Variants in CLEC16A observed in about 807,000 individuals in gnomAD.
The protein encoded by CLEC16A is protein CLEC16A.
CLEC16A carries 51 observed loss-of-function variants against 109.5 expected under a neutral mutation model. The ratio of observed to expected loss-of-function variants is 0.47; its 90% confidence interval spans 0.37 to 0.59. The LOEUF (loss-of-function observed/expected upper bound fraction) is 0.59. Among genes scored for constraint, CLEC16A ranks in the 20% least tolerant of loss-of-function variants. CLEC16A has a pLI of 0.00. For missense variants in CLEC16A, 1,339 were observed against 1,394.0 expected (o/e 0.96, Z 0.63); for synonymous variants, 673 against 564.2 (o/e 1.19, Z -2.73).
chr16:11,044,488 T>C (rs1456607699), intron 16 of CLEC16A, among the ~76,000 whole-genome samples: 1 of 152,264 alleles, frequency 6.6e-6, no homozygotes, highest in Non-Finnish European at 1.5e-5. Context: ...TATACATGTA[T>C]ATTATTTATA....
intron 1 of CLEC16A, among the ~76,000 whole-genome samples, chr16:10,946,422 G>A (rs933380138): frequency 6.6e-6 from 1 of 152,178 alleles, no homozygotes; most frequent in East Asian, 1.9e-4. Context: ...GGTTCACTAT[G>A]TGGTGAGGGG....
intron 22 of CLEC16A, among the ~76,000 whole-genome samples, chr16:11,138,380 G>A (rs1220957762): frequency 6.6e-6 from 1 of 152,230 alleles, no homozygotes; most frequent in African/African-American, 2.4e-5. Context: ...AAAGCGCTTT[G>A]TGAGCTTGCC....
intron 22 of CLEC16A, among the ~76,000 whole-genome samples, chr16:11,136,461 T>TTTG (rs151238568): frequency 0.013 from 1,954 of 151,984 alleles, 14 homozygotes; most frequent in African/African-American, 0.02. Flanking sequence ...CTCTTGCCAT[T>TTTG]TTGTTGTTGT....
intron 1 of CLEC16A, among the ~76,000 whole-genome samples, chr16:10,957,272 G>A (rs1298368745): frequency 6.6e-6 from 1 of 152,252 alleles, no homozygotes; most frequent in Admixed American, 6.5e-5. Flanking sequence ...AGCAACTGCT[G>A]TGGGACCCAG....
At chr16:11,130,348 C>G (rs1011754207) in intron 22 of CLEC16A, among the ~76,000 whole-genome samples, 1 of 152,208 alleles carries the variant, frequency 6.6e-6, no homozygotes, top group Non-Finnish European at 1.5e-5. Context: ...GCCCTAGATA[C>G]TTGGTGGTTT....
intron 10 of CLEC16A, among the ~76,000 whole-genome samples, chr16:10,992,314 C>A (rs1465006296): frequency 6.6e-6 from 1 of 151,958 alleles, no homozygotes; most frequent in East Asian, 1.9e-4. Flanking sequence ...TCTCCTGTAA[C>A]CACTGTTCTC....
At chr16:10,981,083 T>C (rs1338481420) in intron 9 of CLEC16A, among the ~76,000 whole-genome samples, 2 of 152,190 alleles carry the variant, frequency 1.3e-5, no homozygotes, top group Non-Finnish European at 2.9e-5. Context: ...TCCCTCTTTT[T>C]TGGGTTCAGA....
chr16:11,011,764 G>A (rs997778504), intron 11 of CLEC16A, among the ~76,000 whole-genome samples: 7 of 151,882 alleles, frequency 4.6e-5, no homozygotes, highest in South Asian at 2.1e-4. Flanking sequence ...ATAAGCATGC[G>A]TACACACACG....
intron 19 of CLEC16A, among the ~76,000 whole-genome samples, chr16:11,106,213 T>C (rs2051209829): frequency 6.6e-6 from 1 of 152,218 alleles, no homozygotes; most frequent in African/African-American, 2.4e-5. Flanking sequence ...CTTCCAAGCA[T>C]ACAACCAAGT....
At position 10,970,626 on chromosome 16, in the gene CLEC16A, A is replaced by G. The variant is rs542802373; in HGVS notation, c.493-499A>G. On this transcript the variant is annotated intron_variant, in intron 4 of 23. Transcript: ENST00000409790. ...TCACATTGCCCAGGCTGGTCTCAAA[A>G]CTCCTGACCTCAAGCAATCCCCCCT... 3.3e-5 allele frequency among the ~76,000 whole-genome samples: 5 copies of G among 151,862 alleles called. No homozygotes were observed. The South Asian group carries it at 1.0e-3, about 32-fold the overall frequency.
chr16:11,153,687 T>A (rs1250391126), intron 22 of CLEC16A, among the ~76,000 whole-genome samples: 1 of 151,792 alleles, frequency 6.6e-6, no homozygotes, highest in Non-Finnish European at 1.5e-5. Context: ...GGGAAAAACA[T>A]CTGACCCCAA....
chr16:11,092,786 G>A (rs111659354), intron 19 of CLEC16A, among the ~76,000 whole-genome samples: 118 of 152,328 alleles, frequency 7.7e-4, no homozygotes, highest in Admixed American at 1.3e-3. Context: ...GACTTCGGCC[G>A]AGCTTCTGAA....
In CLEC16A at chr16:10,961,420, G is replaced by T. The variant is rs760323471; in HGVS notation, c.210-1035G>T. Among the ~76,000 whole-genome samples, 2 of 152,126 alleles carry T rather than the reference G, an allele frequency of 1.3e-5. No individual in the cohort carries two copies. Among genetic ancestry groups the T allele is most frequent in the Admixed American group, 1.3e-4 (2 of 15,266 alleles). On this transcript the variant is annotated intron_variant, in intron 2 of 23. Transcript: ENST00000409790. The surrounding 1 kb of genome is among the most constrained non-coding windows in gnomAD (Gnocchi z 4.3). ...GAGGCACCCACAACTGAGTCAGCCCGCAGGCACACCTCATTTCTTCCAAGT... is the reference window on the plus strand; with the variant it reads ...GAGGCACCCACAACTGAGTCAGCCCTCAGGCACACCTCATTTCTTCCAAGT...
intron 13 of CLEC16A, among the ~76,000 whole-genome samples, chr16:11,035,827 C>G (rs2046984900): frequency 6.6e-6 from 1 of 152,124 alleles, no homozygotes; most frequent in African/African-American, 2.4e-5. Context: ...TTTGTTTTGA[C>G]TGAGTATTTT....
intron 23 of CLEC16A, among the ~76,000 whole-genome samples, chr16:11,175,182 G>T (rs2068697034): frequency 6.6e-5 from 10 of 152,140 alleles, no homozygotes; most frequent in Admixed American, 6.5e-4. Flanking sequence ...ATGTGTTAAG[G>T]CCCCACCCTA....
At chr16:10,966,766 C>A (rs548096962) in intron 3 of CLEC16A, among the ~76,000 whole-genome samples, 1 of 152,132 alleles carries the variant, frequency 6.6e-6, no homozygotes, top group Non-Finnish European at 1.5e-5. Flanking sequence ...CTCACTATCA[C>A]GAGAACAGGA....
At chr16:10,975,707 G>C (rs1038923822) in intron 7 of CLEC16A, among the ~76,000 whole-genome samples, 4 of 152,068 alleles carry the variant, frequency 2.6e-5, no homozygotes, top group African/African-American at 4.8e-5. Context: ...GAGTGCAATA[G>C]TGCAATCTTG....
rs562662682 is a variant in CLEC16A at position 11,027,055 on chromosome 16, T to C, written c.1537+2134T>C. 8.6e-5 allele frequency: 134 copies of C among 1,557,740 alleles called. No homozygotes were observed. The African/African-American group carries it at 1.6e-3, about 19-fold the overall frequency. ...GAGGAAGAGCAAAGAAAAATCCCTT[T>C]GGTTCCAGAAAATCTCCTGAAAAAG... On this transcript the variant is annotated intron_variant, in intron 13 of 23. Coordinates refer to ENST00000409790, the MANE Select transcript of CLEC16A (RefSeq NM_015226.3).
intron 11 of CLEC16A, among the ~76,000 whole-genome samples, chr16:11,006,971 G>T (rs2045061008): frequency 6.6e-6 from 1 of 152,186 alleles, no homozygotes; most frequent in African/African-American, 2.4e-5. Context: ...TGTAGGCAAA[G>T]AAGCATTCAC....
Sources: gnomAD v4.1 joint callset for allele counts (sites outside exome capture counted in the v4.1 genomes callset) on GRCh38, gnomAD v4.1.1 for gene constraint, Gnocchi (gnomAD v3.1) non-coding constraint, MANE v1.5 for transcripts, NCBI Gene and HGNC (gene_info 2026-07-23, HGNC 2026-07-21) for gene names.